Variants in ADCY8 observed in about 807,000 individuals in gnomAD.
ADCY8 encodes the protein adenylate cyclase 8, also known as adenylate cyclase type 8.
A neutral mutation model predicts 119.7 loss-of-function variants in ADCY8; 51 were observed. The ratio of observed to expected loss-of-function variants is 0.43; its 90% CI spans 0.34 to 0.54. The LOEUF (loss-of-function observed/expected upper bound fraction) is 0.54, where lower values mean the gene tolerates loss of function less well. Among genes scored for constraint, ADCY8 ranks in the 20% least tolerant of loss-of-function variants. The pLI is 0.03. For synonymous variants in ADCY8, 665 were observed against 651.0 expected (o/e 1.02, Z -0.33); for missense variants, 1,383 against 1,598.8 (o/e 0.87, Z 2.30).
chr8:130,924,150 C>T (rs766509471), intron 5 of ADCY8, among the ~76,000 whole-genome samples: 17 of 152,104 alleles, frequency 1.1e-4, no homozygotes, highest in Admixed American at 8.5e-4. Flanking sequence ...AGAATTGGTC[C>T]CCTTGTGCTG....
intron 9 of ADCY8, among the ~76,000 whole-genome samples, chr8:130,851,567 C>G (rs1179949798): frequency 2.0e-5 from 3 of 152,040 alleles, no homozygotes; most frequent in Non-Finnish European, 4.4e-5. Flanking sequence ...TGAAAGACAA[C>G]TGTGGTGGGA....
intron 14 of ADCY8, among the ~76,000 whole-genome samples, chr8:130,808,666 C>A (rs1816060042): frequency 6.6e-6 from 1 of 152,164 alleles, no homozygotes; most frequent in African/African-American, 2.4e-5. Flanking sequence ...AATGAAGCTG[C>A]CTGGCACCGG....
intron 5 of ADCY8, among the ~76,000 whole-genome samples, chr8:130,929,324 T>C (rs1432432325): frequency 6.6e-6 from 1 of 152,182 alleles, no homozygotes; most frequent in Non-Finnish European, 1.5e-5. Flanking sequence ...CTGTATCCCA[T>C]AAGTTTGTTG....
chr8:130,996,652 T>G (rs1460402076), intron 1 of ADCY8, among the ~76,000 whole-genome samples: 1 of 152,090 alleles, frequency 6.6e-6, no homozygotes, highest in African/African-American at 2.4e-5. Context: ...AATGGACTGA[T>G]AGTCACCTCA....
At chr8:130,821,682 A>C (rs146154091) in intron 12 of ADCY8, among the ~76,000 whole-genome samples, 118 of 152,332 alleles carry the variant, frequency 7.7e-4, no homozygotes, top group Middle Eastern at 3.4e-3. Context: ...TCACATTAAT[A>C]ATAATGTTTT....
intron 9 of ADCY8, among the ~76,000 whole-genome samples, chr8:130,862,787 G>A (rs1287373880): frequency 6.6e-6 from 1 of 152,136 alleles, no homozygotes. Context: ...ATCTCCAAGT[G>A]TTTTGGGATT....
At chr8:130,878,029 T>C (rs943576619) in intron 8 of ADCY8, among the ~76,000 whole-genome samples, 11 of 152,208 alleles carry the variant, frequency 7.2e-5, no homozygotes, top group Non-Finnish European at 1.6e-4. Flanking sequence ...AGAAAGACTA[T>C]TGCATTTATA....
chr8:131,039,476 C>CGGCAG lies in ADCY8; in HGVS notation c.853_857dup (p.Leu287CysfsTer47). 6.2e-7 allele frequency: 1 copy of CGGCAG among 1,614,088 alleles called. No individual in the cohort carries two copies. Among genetic ancestry groups the CGGCAG allele is most frequent in the Non-Finnish European group, 8.5e-7 (1 of 1,180,040 alleles). ...CCAGGATGGCCCAGGTGAGCGGCAG[C>CGGCAG]GGCAGCATACTGTAGGTGGCGAAGA... On this transcript the variant is annotated frameshift_variant, in exon 1 of 18. Transcript: ENST00000286355. LOFTEE classifies it high-confidence loss of function.
intron 1 of ADCY8, among the ~76,000 whole-genome samples, chr8:131,014,403 A>G (rs1302307055): frequency 1.3e-5 from 2 of 152,212 alleles, no homozygotes; most frequent in African/African-American, 4.8e-5. Context: ...GTAACATAAA[A>G]TATCTTTAGC....
intron 1 of ADCY8, among the ~76,000 whole-genome samples, chr8:131,029,519 G>A (rs187979024): frequency 6.6e-6 from 1 of 152,268 alleles, no homozygotes; most frequent in African/African-American, 2.4e-5. Context: ...GAGAACAAGA[G>A]GGTGATGTAT....
intron 2 of ADCY8, among the ~76,000 whole-genome samples, chr8:130,953,516 G>A (rs1434805005): frequency 1.3e-5 from 2 of 152,078 alleles, no homozygotes; most frequent in African/African-American, 2.4e-5. Context: ...TGCAGGGTAC[G>A]GTCCTTTCCC....
intron 3 of ADCY8, among the ~76,000 whole-genome samples, chr8:130,944,821 C>T (rs975842338): frequency 6.6e-6 from 1 of 152,200 alleles, no homozygotes; most frequent in Non-Finnish European, 1.5e-5. Flanking sequence ...CAGCTAGGCA[C>T]TGGACTAGAA....
intron 14 of ADCY8, among the ~76,000 whole-genome samples, chr8:130,804,302 A>G (rs973463236): frequency 1.3e-5 from 2 of 152,146 alleles, no homozygotes; most frequent in Non-Finnish European, 1.5e-5. Flanking sequence ...GGCTTTCCCC[A>G]TGGTTGCAGA....
At chr8:130,972,476 C>A (rs951559717) in intron 2 of ADCY8, among the ~76,000 whole-genome samples, 2 of 152,188 alleles carry the variant, frequency 1.3e-5, no homozygotes, top group African/African-American at 4.8e-5. Context: ...AAGGAAAAAA[C>A]AATTTGCAAG....
At chr8:130,884,182 C>A (rs1475944438) in intron 8 of ADCY8, among the ~76,000 whole-genome samples, 2 of 152,080 alleles carry the variant, frequency 1.3e-5, no homozygotes, top group Non-Finnish European at 2.9e-5. Flanking sequence ...TTATTGGGTG[C>A]CCTCATTTAT....
At chr8:130,931,305 G>A (rs1820623469) in intron 5 of ADCY8, among the ~76,000 whole-genome samples, 1 of 152,124 alleles carries the variant, frequency 6.6e-6, no homozygotes, top group South Asian at 2.1e-4. Flanking sequence ...GGATTCTGAT[G>A]TTAACCATAT....
chr8:130,934,805 G>A (rs1360491918), intron 5 of ADCY8, among the ~76,000 whole-genome samples: 1 of 152,138 alleles, frequency 6.6e-6, no homozygotes, highest in East Asian at 1.9e-4. Context: ...AGGACATCTT[G>A]GGTCTCTTTA....
intron 6 of ADCY8, among the ~76,000 whole-genome samples, chr8:130,905,311 G>A (rs905950125): frequency 2.0e-5 from 3 of 152,134 alleles, no homozygotes; most frequent in East Asian, 1.9e-4. Flanking sequence ...CTCTGGCTCT[G>A]TCACTTCAAA....
chr8:130,968,028 C>T (rs567332206), intron 2 of ADCY8, among the ~76,000 whole-genome samples: 56 of 152,244 alleles, frequency 3.7e-4, no homozygotes, highest in African/African-American at 1.3e-3. Context: ...GTTCTTGTAA[C>T]ATGCTTAGTG....
Sources: allele counts gnomAD v4.1 joint callset (sites outside exome capture counted in the v4.1 genomes callset), GRCh38; gene constraint gnomAD v4.1.1; transcripts MANE v1.5; gene names NCBI Gene and HGNC (gene_info 2026-07-23, HGNC 2026-07-21).